The following STRADB variants were observed in gnomAD, a reference collection of about 807,000 sequenced individuals.
The protein encoded by STRADB is STE20-related kinase adapter protein beta.
In STRADB, 34 loss-of-function variants were observed where a neutral mutation model predicts 52.1. That is an observed-to-expected ratio of 0.65 (90% CI 0.50 to 0.87). The LOEUF is 0.87. Ranked by LOEUF, STRADB falls within the 40% of genes least tolerant of loss-of-function variation. The probability of loss-of-function intolerance (pLI) is 0.00; values close to 1 mark genes in which losing one functional copy is unlikely to be tolerated. For missense variants in STRADB, 340 were observed against 483.9 expected, an observed-to-expected ratio of 0.70 and a Z score of 2.79; for synonymous variants, 133 against 174.5, an observed-to-expected ratio of 0.76 and a Z score of 1.87.
intron 2 of STRADB, among the ~76,000 whole-genome samples, chr2:201,456,607 T>C (rs1952131933): frequency 6.6e-6 from 1 of 152,232 alleles, no homozygotes; most frequent in Non-Finnish European, 1.5e-5. Context: ...ATTTGTGCAG[T>C]TGGGATAAAG....
chr2:201,452,139 G>A (rs1952052563), intron 1 of STRADB, among the ~76,000 whole-genome samples: 1 of 151,974 alleles, frequency 6.6e-6, no homozygotes, highest in Non-Finnish European at 1.5e-5. Flanking sequence ...CGCCAGTGCA[G>A]CTCGGGCTCA....
intron 4 of STRADB, among the ~76,000 whole-genome samples, chr2:201,471,966 G>C (rs998905698): frequency 6.6e-6 from 1 of 152,150 alleles, no homozygotes; most frequent in Non-Finnish European, 1.5e-5. Context: ...GGGAGGAGAC[G>C]AATTTGAGAT....
Position 201,457,916 on chromosome 2 carries a change from C to T in STRADB, c.13-868C>T, listed in dbSNP as rs145185249. Among the ~76,000 whole-genome samples, 68 of 152,020 alleles carry T rather than the reference C, an allele frequency of 4.5e-4. No homozygotes were observed. In the East Asian group the frequency reaches 0.012, roughly 27 times the overall value. On this transcript the variant is annotated intron_variant, in intron 2 of 11. Coordinates refer to ENST00000194530, the MANE Select transcript of STRADB (RefSeq NM_018571.6). ...GCAGGTGCCTGTAATCCCAGCTACTCAGGAAGTTGAGGCAGGAGAATTGCT... is the reference window on the plus strand; with the variant it reads ...GCAGGTGCCTGTAATCCCAGCTACTTAGGAAGTTGAGGCAGGAGAATTGCT...
chr2:201,472,908 T>C, intron 4 of STRADB, 47 bp from the exon 5 acceptor site: 1 of 1,534,360 alleles, frequency 6.5e-7, no homozygotes, highest in Non-Finnish European at 8.7e-7. Flanking sequence ...AATTGTCAGT[T>C]TTTTTTCTTC....
intron 3 of STRADB, among the ~76,000 whole-genome samples, chr2:201,460,306 G>C (rs1952193789): frequency 1.3e-5 from 2 of 152,050 alleles, no homozygotes; most frequent in East Asian, 1.9e-4. Context: ...TTTTGATACA[G>C]ACATATGATA....
At position 201,451,851 on chromosome 2, in the gene STRADB, C is replaced by T. The variant is rs1457517398; in HGVS notation, c.-183C>T. The T allele has an allele frequency of 6.6e-6, 1 of 152,258 alleles. No homozygotes were observed. The highest frequency in any genetic ancestry group is 2.4e-5 in the African/African-American group (1 of 41,418). The allele number at this position is 152,258 out of a possible 1,614,324, so 9.4% of individuals were successfully genotyped here. On this transcript the variant is annotated 5_prime_UTR_variant, in exon 1 of 12. Coordinates refer to ENST00000194530, the MANE Select transcript of STRADB (RefSeq NM_018571.6). Reference sequence around the variant, plus strand: ...GGGAGCGGGCCTAGAGCGCTCGCCTCGCCCCTCCGCGAGCAGGGCTCTGGC... The same window carrying T: ...GGGAGCGGGCCTAGAGCGCTCGCCTTGCCCCTCCGCGAGCAGGGCTCTGGC...
At chr2:201,460,388 C>T (rs534235717) in intron 3 of STRADB, among the ~76,000 whole-genome samples, 2 of 152,242 alleles carry the variant, frequency 1.3e-5, no homozygotes, top group South Asian at 4.1e-4. Context: ...GTGTTATAAA[C>T]ATTCCAATTA....
At chr2:201,470,196 T>G (rs1952367968) in intron 4 of STRADB, 144 bp downstream of exon 4, 2 of 646,898 alleles carry the variant, frequency 3.1e-6, no homozygotes, top group Non-Finnish European at 5.5e-6. Context: ...TGGATTCAAT[T>G]AATTTATGTC....
At chr2:201,479,451 T>C (rs1216472609) in intron 10 of STRADB, 38 bp from the exon 11 acceptor site, 5 of 1,438,238 alleles carry the variant, frequency 3.5e-6, no homozygotes, top group Non-Finnish European at 4.6e-6. Flanking sequence ...CATTCTAATA[T>C]AAAGGTTTTT....
chr2:201,453,520 T>G (rs1952082756), intron 1 of STRADB, among the ~76,000 whole-genome samples: 1 of 152,172 alleles, frequency 6.6e-6, no homozygotes, highest in Non-Finnish European at 1.5e-5. Flanking sequence ...GACTATGATG[T>G]GTAGTTTCTT....
At chr2:201,474,604 A>G in intron 5 of STRADB, 43 bp from the exon 6 acceptor site, 1 of 1,549,226 alleles carries the variant, frequency 6.5e-7, no homozygotes, top group South Asian at 1.2e-5. Flanking sequence ...TAAGGAAAAA[A>G]CAGTTGTTTT....
At chr2:201,455,089 T>C (rs554092876) in intron 2 of STRADB, among the ~76,000 whole-genome samples, 11 of 152,334 alleles carry the variant, frequency 7.2e-5, no homozygotes, top group African/African-American at 2.6e-4. Context: ...TTGTCCCATA[T>C]CTACTTTTTC....
At chr2:201,478,674 C>G in intron 10 of STRADB, 73 bp downstream of exon 10, 1 of 1,488,520 alleles carries the variant, frequency 6.7e-7, no homozygotes, top group Non-Finnish European at 9.1e-7. Flanking sequence ...TAACATTGCC[C>G]TTCCAGGAGA....
At chr2:201,473,135 T>G (rs759915393) in intron 5 of STRADB, 59 bp downstream of exon 5, 1 of 1,484,832 alleles carries the variant, frequency 6.7e-7, no homozygotes, top group East Asian at 2.4e-5. Context: ...GTTCCACATC[T>G]GCAGATTCAA....
intron 5 of STRADB, among the ~76,000 whole-genome samples, chr2:201,473,379 G>A (rs1055039946): frequency 1.3e-5 from 2 of 152,138 alleles, no homozygotes; most frequent in African/African-American, 4.8e-5. Flanking sequence ...GGGGTGGTGT[G>A]TAGGAGGCGG....
chr2:201,470,506 T>C (rs1192370157), intron 4 of STRADB, among the ~76,000 whole-genome samples: 1 of 152,272 alleles, frequency 6.6e-6, no homozygotes, highest in East Asian at 1.9e-4. Context: ...TTTATAGCTT[T>C]ACATATGTGA....
At chr2:201,467,551 T>C (rs925899298) in intron 3 of STRADB, among the ~76,000 whole-genome samples, 1 of 152,258 alleles carries the variant, frequency 6.6e-6, no homozygotes, top group African/African-American at 2.4e-5. Context: ...TTCTATCTGT[T>C]GATCTCAGCT....
At chr2:201,462,120 C>T (rs1434621707) in intron 3 of STRADB, among the ~76,000 whole-genome samples, 2 of 152,082 alleles carry the variant, frequency 1.3e-5, no homozygotes, top group African/African-American at 4.8e-5. Flanking sequence ...TGTGATTCCT[C>T]CAGTTTTGTT....
At chr2:201,459,773 G>A (rs1047400814) in intron 3 of STRADB, among the ~76,000 whole-genome samples, 1 of 152,136 alleles carries the variant, frequency 6.6e-6, no homozygotes. Flanking sequence ...TAAAGCCTAT[G>A]GGATAAAGTC....
Sources: allele counts gnomAD v4.1 joint callset (sites outside exome capture counted in the v4.1 genomes callset), GRCh38; gene constraint gnomAD v4.1.1; transcripts MANE v1.5; gene names NCBI Gene and HGNC (gene_info 2026-07-23, HGNC 2026-07-21).